The following MECOM variants were observed in gnomAD, a reference collection of about 807,000 sequenced individuals.
MECOM encodes the protein MDS1 and EVI1 complex locus, also known as histone-lysine N-methyltransferase MECOM.
A neutral mutation model predicts 116.3 loss-of-function variants in MECOM; 13 were observed. The observed-to-expected ratio is 0.11, with a 90% CI of 0.07 to 0.18. MECOM has a LOEUF of 0.18. Among genes scored for constraint, MECOM ranks in the 10% least tolerant of loss-of-function variants. MECOM has a pLI of 1.00. For synonymous variants in MECOM, 528 were observed against 535.2 expected (o/e 0.99, Z 0.19); for missense variants, 1,299 against 1,509.0 (o/e 0.86, Z 2.31).
chr3:169,201,293 T>C lies in MECOM; in HGVS notation c.376-57461A>G, dbSNP rs116412801. 4.9e-3 allele frequency among the ~76,000 whole-genome samples: 741 copies of C among 151,800 alleles called. 6 individuals are homozygous for C. Among genetic ancestry groups the C allele is most frequent in the Non-Finnish European group, 6.7e-3 (457 of 67,902 alleles). On this transcript the variant is annotated intron_variant, in intron 2 of 16. Coordinates refer to ENST00000651503, the MANE Select transcript of MECOM (RefSeq NM_004991.4). ...TGTGTGTGTGTGTGTGTAGACAAAA[T>C]AAAATTCAGAAAGAGAAAATCTATT...
At chr3:169,640,555 G>T (rs558366441) in intron 1 of MECOM, among the ~76,000 whole-genome samples, 2 of 152,344 alleles carry the variant, frequency 1.3e-5, no homozygotes, top group African/African-American at 4.8e-5. Context: ...CTTCTCTTCT[G>T]TAAGGGGTGG....
In MECOM at chr3:169,472,585, A is replaced by G. The variant is rs149427727; in HGVS notation, c.38-91061T>C. 3.2e-3 allele frequency among the ~76,000 whole-genome samples: 182 copies of G among 56,598 alleles called. 9 individuals are homozygous for G. Among genetic ancestry groups the G allele is most frequent in the African/African-American group, 0.011 (87 of 8,120 alleles). The allele number at this position is 56,598 out of a possible 152,430, so 37.1% of individuals were successfully genotyped here. ...GAGGAGAGGAGAGGAGAGGAGAGGA[A>G]AGGAAAGGAAAGGAAAGGAAAGGAA... On this transcript the variant is annotated intron_variant, in intron 1 of 16. Coordinates refer to ENST00000651503, the MANE Select transcript of MECOM (RefSeq NM_004991.4).
At position 169,146,643 on chromosome 3, in the gene MECOM, C is replaced by T. The variant is rs545107384; in HGVS notation, c.376-2811G>A. The T allele has an allele frequency of 1.1e-4, 153 of 1,363,158 alleles. 1 individual carries two copies. In the South Asian group the frequency reaches 1.6e-3, roughly 14 times the overall value. The allele number at this position is 1,363,158 out of a possible 1,614,324, so 84.4% of individuals were successfully genotyped here. ...CGGGGGGCGCCCGTAGAAACGGTGC[C>T]CCGGCAGGAAACTGTCCGAAGTGAC... On this transcript the variant is annotated intron_variant, in intron 2 of 16. Coordinates refer to ENST00000651503, the MANE Select transcript of MECOM (RefSeq NM_004991.4).
Position 169,093,119 on chromosome 3 carries a change from G to T in MECOM, c.3020-17C>A. 1 of 1,569,280 alleles carries T rather than the reference G, an allele frequency of 6.4e-7. No individual in the cohort carries two copies. The stretch of plus-strand genomic sequence containing the variant: ...TTGCTGTACCTGTGTGGAGCAGAAA[G>T]CCTTTTATGACAAAGATTATTGTTT... On this transcript the variant is annotated splice_polypyrimidine_tract_variant and intron_variant, in intron 13 of 16. Transcript: ENST00000651503.
chr3:169,328,399 T>C (rs574754265), intron 2 of MECOM, among the ~76,000 whole-genome samples: 70 of 152,354 alleles, frequency 4.6e-4, no homozygotes, highest in Admixed American at 1.5e-3. Context: ...AGCTCATCTC[T>C]ATTTGCTTGC....
chr3:169,625,592 AG>A (rs1161065192), intron 1 of MECOM, among the ~76,000 whole-genome samples: 1 of 152,244 alleles, frequency 6.6e-6, no homozygotes. Flanking sequence ...ATAATAAATC[AG>A]AAAAAAAGAC....
chr3:169,481,858 A>G (rs1202574840), intron 1 of MECOM, among the ~76,000 whole-genome samples: 2 of 152,204 alleles, frequency 1.3e-5, no homozygotes, highest in Non-Finnish European at 2.9e-5. Flanking sequence ...ATTACAAGTC[A>G]TCATTTTAAT....
intron 2 of MECOM, among the ~76,000 whole-genome samples, chr3:169,293,774 A>T (rs1715065615): frequency 6.6e-6 from 1 of 152,212 alleles, no homozygotes; most frequent in Admixed American, 6.5e-5. Context: ...TAGTGCCTGG[A>T]ACATAGTAGG....
intron 1 of MECOM, among the ~76,000 whole-genome samples, chr3:169,388,523 T>C (rs968070704): frequency 6.6e-6 from 1 of 152,066 alleles, no homozygotes; most frequent in African/African-American, 2.4e-5. Flanking sequence ...AGGAAACTAG[T>C]AAAAGTAGGG....
At chr3:169,291,858 G>A (rs1453885032) in intron 2 of MECOM, among the ~76,000 whole-genome samples, 3 of 152,102 alleles carry the variant, frequency 2.0e-5, no homozygotes, top group African/African-American at 7.2e-5. Flanking sequence ...TTGAATACTA[G>A]GTATTCTCCT....
At chr3:169,363,877 T>C (rs1291268469) in intron 2 of MECOM, among the ~76,000 whole-genome samples, 1 of 151,982 alleles carries the variant, frequency 6.6e-6, no homozygotes, top group Non-Finnish European at 1.5e-5. Flanking sequence ...ATCTTCAACT[T>C]ACACCTATCT....
At chr3:169,618,533 C>G (rs1205099643) in intron 1 of MECOM, among the ~76,000 whole-genome samples, 1 of 151,884 alleles carries the variant, frequency 6.6e-6, no homozygotes, top group Non-Finnish European at 1.5e-5. Flanking sequence ...GGCGCGCGCC[C>G]GTAGTCCCAG....
chr3:169,342,257 AT>A (rs766193400), intron 2 of MECOM, among the ~76,000 whole-genome samples: 12 of 151,918 alleles, frequency 7.9e-5, no homozygotes, highest in Non-Finnish European at 1.5e-4. Context: ...ATTTGGAATA[AT>A]TTTGTATGAA....
At chr3:169,188,821 AG>A (rs1466195678) in intron 2 of MECOM, among the ~76,000 whole-genome samples, 29 of 152,124 alleles carry the variant, frequency 1.9e-4, no homozygotes, top group Non-Finnish European at 1.5e-5. Flanking sequence ...TCTCTTGCTA[AG>A]TACAGAATTT....
intron 2 of MECOM, among the ~76,000 whole-genome samples, chr3:169,322,550 C>A (rs545241464): frequency 3.9e-5 from 6 of 152,148 alleles, no homozygotes; most frequent in Admixed American, 6.5e-5. Flanking sequence ...ACCAACTGAA[C>A]AACTTAATAA....
At chr3:169,153,571 A>G (rs1741490498) in intron 2 of MECOM, among the ~76,000 whole-genome samples, 1 of 152,168 alleles carries the variant, frequency 6.6e-6, no homozygotes, top group Non-Finnish European at 1.5e-5. Flanking sequence ...CAATCTTTCA[A>G]TATAGTATTT....
chr3:169,460,800 T>C (rs915270527), intron 1 of MECOM, among the ~76,000 whole-genome samples: 3 of 152,032 alleles, frequency 2.0e-5, no homozygotes, highest in African/African-American at 7.2e-5. Flanking sequence ...AAAGAGGAAA[T>C]GGCAGTGTGA....
chr3:169,144,396 G>A (rs566299148), intron 2 of MECOM, among the ~76,000 whole-genome samples: 4 of 152,054 alleles, frequency 2.6e-5, no homozygotes, highest in East Asian at 1.9e-4. Context: ...TAATGAATTC[G>A]GAAACACTCA....
At chr3:169,259,331 G>A (rs913244297) in intron 2 of MECOM, among the ~76,000 whole-genome samples, 6 of 152,114 alleles carry the variant, frequency 3.9e-5, no homozygotes, top group South Asian at 4.1e-4. Context: ...CAAATCTTAC[G>A]TTATACAGTA....
Sources: allele counts gnomAD v4.1 joint callset (sites outside exome capture counted in the v4.1 genomes callset), GRCh38; gene constraint gnomAD v4.1.1; transcripts MANE v1.5; gene names NCBI Gene and HGNC (gene_info 2026-07-23, HGNC 2026-07-21).